The following TNR variants were observed in gnomAD, a reference collection of about 807,000 sequenced individuals.
TNR encodes tenascin-R.
A neutral mutation model predicts 150.4 loss-of-function variants in TNR; 45 were observed. The observed-to-expected ratio is 0.30, with a 90% CI of 0.24 to 0.38. The LOEUF (loss-of-function observed/expected upper bound fraction) is 0.38, where lower values mean the gene tolerates loss of function less well. Ranked by LOEUF, TNR falls within the 10% of genes least tolerant of loss-of-function variation. TNR has a pLI of 1.00. For missense variants in TNR, 1,544 were observed against 1,759.1 expected, an observed-to-expected ratio of 0.88 and a Z score of 2.19; for synonymous variants, 687 against 678.4, an observed-to-expected ratio of 1.01 and a Z score of -0.20.
At chr1:175,325,887 A>G (rs1431055486) in intron 21 of TNR, among the ~76,000 whole-genome samples, 1 of 147,760 alleles carries the variant, frequency 6.8e-6, no homozygotes, top group Non-Finnish European at 1.5e-5. Context: ...GGTAGGGGGG[A>G]GGGATAGCAT....
intron 2 of TNR, among the ~76,000 whole-genome samples, chr1:175,520,727 T>C (rs1414417895): frequency 6.6e-6 from 1 of 152,078 alleles, no homozygotes; most frequent in African/African-American, 2.4e-5. Flanking sequence ...TCTGGCTATA[T>C]TTTCTCCCCT....
At chr1:175,474,508 G>A (rs1168349418) in intron 2 of TNR, among the ~76,000 whole-genome samples, 1 of 152,188 alleles carries the variant, frequency 6.6e-6, no homozygotes, top group African/African-American at 2.4e-5. Flanking sequence ...TGTTGTTTAA[G>A]CCACCTAAGC....
chr1:175,441,524 A>C (rs1427903031), intron 2 of TNR, among the ~76,000 whole-genome samples: 2 of 152,314 alleles, frequency 1.3e-5, no homozygotes, highest in Non-Finnish European at 2.9e-5. Context: ...TTCATCTTAG[A>C]TTATTGTTCT....
At chr1:175,356,090 C>A (rs1170549060) in intron 16 of TNR, among the ~76,000 whole-genome samples, 1 of 152,102 alleles carries the variant, frequency 6.6e-6, no homozygotes, top group Non-Finnish European at 1.5e-5. Flanking sequence ...CTCTCTTGAC[C>A]TGGTTCTTCT....
chr1:175,547,318 C>T (rs148233209), intron 1 of TNR, among the ~76,000 whole-genome samples: 1,707 of 144,328 alleles, frequency 0.012, 22 homozygotes, highest in Middle Eastern at 0.045. Flanking sequence ...GTGGGACTGT[C>T]GCCACCCTCC....
At chr1:175,708,517 G>T (rs1666904892) in intron 1 of TNR, among the ~76,000 whole-genome samples, 1 of 152,160 alleles carries the variant, frequency 6.6e-6, no homozygotes, top group African/African-American at 2.4e-5. Flanking sequence ...ACACTTTTGG[G>T]TTTATAGTTT....
chr1:175,533,127 T>C (rs1318593994), intron 1 of TNR, among the ~76,000 whole-genome samples: 3 of 152,246 alleles, frequency 2.0e-5, no homozygotes, highest in Admixed American at 6.5e-5. Flanking sequence ...TTCTTGTACC[T>C]ACCTGGAACT....
chr1:175,527,628 T>C (rs1659896216), intron 2 of TNR, among the ~76,000 whole-genome samples: 1 of 152,212 alleles, frequency 6.6e-6, no homozygotes, highest in Non-Finnish European at 1.5e-5. Context: ...TGGAAAGTTA[T>C]TAAAGGAGCA....
intron 1 of TNR, among the ~76,000 whole-genome samples, chr1:175,699,500 T>A (rs1299398368): frequency 3.9e-5 from 6 of 152,016 alleles, no homozygotes; most frequent in Non-Finnish European, 8.8e-5. Flanking sequence ...GCCAGTGCAA[T>A]GGGAGAGTGA....
chr1:175,707,371 T>G (rs1460219420), intron 1 of TNR, among the ~76,000 whole-genome samples: 1 of 152,192 alleles, frequency 6.6e-6, no homozygotes, highest in Non-Finnish European at 1.5e-5. Context: ...ACTACAAACT[T>G]CCATTTTTCT....
At chr1:175,598,252 C>T (rs1344774160) in intron 1 of TNR, among the ~76,000 whole-genome samples, 3 of 152,202 alleles carry the variant, frequency 2.0e-5, no homozygotes, top group African/African-American at 7.2e-5. Context: ...GGTGATTCAA[C>T]TGTAGACCTC....
chr1:175,577,955 C>T (rs575219029), intron 1 of TNR, among the ~76,000 whole-genome samples: 9 of 152,188 alleles, frequency 5.9e-5, no homozygotes, highest in Non-Finnish European at 1.0e-4. Context: ...GTTATTTCAC[C>T]TCCCTGAACC....
At chr1:175,629,586 G>T (rs1664261989) in intron 1 of TNR, among the ~76,000 whole-genome samples, 1 of 152,158 alleles carries the variant, frequency 6.6e-6, no homozygotes, top group Non-Finnish European at 1.5e-5. Context: ...GTCAAACCCT[G>T]AGCATCAGAG....
chr1:175,585,814 T>C (rs1478441590), intron 1 of TNR, among the ~76,000 whole-genome samples: 3 of 152,078 alleles, frequency 2.0e-5, no homozygotes, highest in African/African-American at 4.8e-5. Context: ...TTTCCCTCCA[T>C]CTCTCATTTC....
intron 1 of TNR, among the ~76,000 whole-genome samples, chr1:175,642,975 A>G (rs1009340942): frequency 2.0e-5 from 3 of 152,212 alleles, no homozygotes; most frequent in African/African-American, 7.2e-5. Context: ...TGTAAAAGCA[A>G]GTATTGAGCC....
intron 2 of TNR, among the ~76,000 whole-genome samples, chr1:175,438,564 A>T (rs1488329473): frequency 2.0e-5 from 3 of 152,156 alleles, no homozygotes; most frequent in Non-Finnish European, 2.9e-5. Flanking sequence ...AAGGGCATTC[A>T]ATTAGGAAAA....
At chr1:175,362,581 A>C in intron 14 of TNR, 82 bp downstream of exon 14, 5 of 1,551,608 alleles carry the variant, frequency 3.2e-6, no homozygotes, top group Non-Finnish European at 4.4e-6. Context: ...CTTAGCCTCC[A>C]GAACCTTTCT....
intron 20 of TNR, among the ~76,000 whole-genome samples, chr1:175,331,906 G>T (rs1461207098): frequency 6.6e-6 from 1 of 152,316 alleles, no homozygotes; most frequent in Admixed American, 6.5e-5. Context: ...TGGCTTTCCT[G>T]TCCCATTTGA....
chr1:175,544,208 G>A (rs1056423172), intron 1 of TNR, among the ~76,000 whole-genome samples: 6 of 152,206 alleles, frequency 3.9e-5, no homozygotes, highest in African/African-American at 1.4e-4. Flanking sequence ...ATTGCTTGCT[G>A]CAATGCAGAA....
Sources: gnomAD v4.1 joint callset for allele counts (sites outside exome capture counted in the v4.1 genomes callset) on GRCh38, gnomAD v4.1.1 for gene constraint, MANE v1.5 for transcripts, NCBI Gene and HGNC (gene_info 2026-07-23, HGNC 2026-07-21) for gene names.